Variants in NKX2-6 observed in about 807,000 individuals in gnomAD.
NKX2-6 encodes homeobox protein Nkx-2.6.
In NKX2-6, 8 loss-of-function variants were observed where a neutral mutation model predicts 8.6. That is an observed-to-expected ratio of 0.93 (90% CI 0.54 to 1.67). NKX2-6 has a LOEUF of 1.67. Among genes scored for constraint, NKX2-6 ranks in the 40% most tolerant of loss-of-function variants. The pLI, the probability that NKX2-6 is intolerant of heterozygous loss-of-function variation, is 0.00. For missense variants in NKX2-6, 475 were observed against 423.1 expected (o/e 1.12, Z -1.08); for synonymous variants, 210 against 199.3 (o/e 1.05, Z -0.45).
At position 23,706,379 on chromosome 8, in the gene NKX2-6, C is replaced by G; in HGVS notation, c.220G>C (p.Gly74Arg). Residue 74 changes from glycine (G) to arginine (R), a missense_variant, in exon 1 of 2, where the codon GGG becomes CGG. Physicochemically the swap from Gly to Arg is moderately radical, Grantham distance 125. Transcript: ENST00000325017. ...TCCAAGACTGCCTCACAGGGACCCCCAGGAGGCTCCGAACCATCCAGCTTT... is the reference window on the plus strand; with the variant it reads ...TCCAAGACTGCCTCACAGGGACCCCGAGGAGGCTCCGAACCATCCAGCTTT... ...DRKLDGSEPPGGPCEAVLEMD... is the reference protein window; with the variant it reads ...DRKLDGSEPPRGPCEAVLEMD... 6.4e-7 allele frequency: 1 copy of G among 1,551,588 alleles called. No homozygotes were observed. Among genetic ancestry groups the G allele is most frequent in the Non-Finnish European group, 8.7e-7 (1 of 1,147,020 alleles).
In NKX2-6 at chr8:23,706,190, T is replaced by C. The variant is rs144684093; in HGVS notation, c.274+135A>G. The C allele has an allele frequency of 1.2e-3, 1,182 of 947,912 alleles. 12 individuals are homozygous for C. The African/African-American group carries it at 0.018, about 14-fold the overall frequency. 58.7% of individuals were successfully genotyped at this position (947,912 alleles called of 1,614,324 possible). ...GGGAATGGGATTCGAGAGGCCTTTTTTTGGACTCCTCGAGAGAAAATGGAG... is the reference window on the plus strand; with the variant it reads ...GGGAATGGGATTCGAGAGGCCTTTTCTTGGACTCCTCGAGAGAAAATGGAG... On this transcript the variant is annotated intron_variant, in intron 1 of 1. Transcript: ENST00000325017.
In NKX2-6 at chr8:23,704,491, G is replaced by A. The variant is rs143978910; in HGVS notation, c.275-1409C>T. On this transcript the variant is annotated intron_variant, in intron 1 of 1. Coordinates refer to ENST00000325017, the MANE Select transcript of NKX2-6 (RefSeq NM_001136271.3). ...ATGCTGAGTTTTCATGGGATCTCACGCCAGGAGAAAATCAGGAGCATGGAA... is the reference window on the plus strand; with the variant it reads ...ATGCTGAGTTTTCATGGGATCTCACACCAGGAGAAAATCAGGAGCATGGAA... 7.6e-4 allele frequency among the ~76,000 whole-genome samples: 116 copies of A among 152,302 alleles called. 1 individual carries two copies. Among genetic ancestry groups the A allele is most frequent in the African/African-American group, 2.6e-3 (107 of 41,566 alleles).
In NKX2-6 at chr8:23,706,569, G is replaced by T; in HGVS notation, c.30C>A (p.Pro10=). The T allele has an allele frequency of 6.5e-7, 1 of 1,536,162 alleles. No homozygotes were observed. Among genetic ancestry groups the T allele is most frequent in the Non-Finnish European group, 8.7e-7 (1 of 1,146,832 alleles). ...GTCGCAGGATGTCCTTGACCGAGAA[G>T]GGGGTGGAGGTGACGGGGCTCAGCA... The part of the protein sequence containing the change: MLLSPVTST[P]FSVKDILRLE... The change falls in exon 1 of 2, where the codon CCC becomes CCA. Residue 10 remains proline (P), a synonymous_variant. Coordinates refer to ENST00000325017, the MANE Select transcript of NKX2-6 (RefSeq NM_001136271.3).
At position 23,703,029 on chromosome 8, in the gene NKX2-6, G is replaced by T. The variant is rs1416734352; in HGVS notation, c.328C>A (p.Arg110Ser). The T allele has an allele frequency of 1.3e-6, 2 of 1,540,542 alleles. No individual in the cohort carries two copies. The highest frequency in any genetic ancestry group is 2.0e-4 in the Middle Eastern group (1 of 4,894). The part of the protein sequence containing the change: ...PLGGGTRVPE[R>S]GVGNSGDSVR... ...CTGTCGCCGCTGTTGCCAACGCCGC[G>T]CTCTGGCACCCTGGTCCCGCCGCCG... The change falls in exon 2 of 2, where the codon CGC becomes AGC. Residue 110 changes from arginine to serine, a missense_variant. Transcript: ENST00000325017.
rs1240078718 is a variant in NKX2-6, at chr8:23,706,511, G to A, written c.88C>T (p.Pro30Ser). Residue 30 changes from proline (P) to serine (S), a missense_variant, in exon 1 of 2, where the codon CCA becomes TCA. Transcript: ENST00000325017. ...GGGCTCTTCCGCACCCGCGGATGTG[G>A]CGAAGCCGCGGGGCAGCTCCGCTCG... ...ERERSCPAASPHPRVRKSPEN... is the reference protein window; with the variant it reads ...ERERSCPAASSHPRVRKSPEN... 6.5e-7 allele frequency: 1 copy of A among 1,537,918 alleles called. No individual in the cohort carries two copies. The highest frequency in any genetic ancestry group is 8.7e-7 in the Non-Finnish European group (1 of 1,146,932).
Position 23,706,418 on chromosome 8 carries a change from C to T in NKX2-6, c.181G>A (p.Gly61Ser), listed in dbSNP as rs774277973. The T allele has an allele frequency of 9.0e-6, 14 of 1,550,510 alleles. No homozygotes were observed. The highest frequency in any genetic ancestry group is 2.4e-5 in the South Asian group (2 of 84,072). ...CCATCCAGCTTTCTGTCACCGCCGC[C>T]GCCACCAGCGTTGTGAACCTCTGAC... ...RGSEVHNAGGGGGDRKLDGSE... is the reference protein window; with the variant it reads ...RGSEVHNAGGSGGDRKLDGSE... Residue 61 changes from glycine (G) to serine (S), a missense_variant, in exon 1 of 2, where the codon GGC becomes AGC. Coordinates refer to ENST00000325017, the MANE Select transcript of NKX2-6 (RefSeq NM_001136271.3).
In NKX2-6 at chr8:23,702,593, C is replaced by T. The variant is rs1801021796; in HGVS notation, c.764G>A (p.Gly255Asp). 1 of 1,546,304 alleles carries T rather than the reference C, an allele frequency of 6.5e-7. No individual in the cohort carries two copies. The highest frequency in any genetic ancestry group is 2.4e-5 in the East Asian group (1 of 40,828). Residue 255 changes from glycine to aspartate, a missense_variant, in exon 2 of 2, where the codon GGC becomes GAC. Transcript: ENST00000325017. ...GGYSGAPYGAGYGTCYAGAPS... is the reference protein window; with the variant it reads ...GGYSGAPYGADYGTCYAGAPS... ...CGCGCCCGCGTAGCAGGTGCCGTAG[C>T]CTGCGCCGTAGGGTGCTCCGCTGTA...
chr8:23,705,577 C>T (rs971995420), intron 1 of NKX2-6, among the ~76,000 whole-genome samples: 1 of 152,264 alleles, frequency 6.6e-6, no homozygotes, highest in Non-Finnish European at 1.5e-5. Flanking sequence ...CAGCCCCTTC[C>T]CTTCCAGCGG....
intron 1 of NKX2-6, among the ~76,000 whole-genome samples, chr8:23,704,250 A>T (rs1053230866): frequency 2.0e-5 from 3 of 152,206 alleles, no homozygotes; most frequent in African/African-American, 7.2e-5. Flanking sequence ...CATAAAGTTG[A>T]GGTCCACATT....
At chr8:23,706,207 A>G in intron 1 of NKX2-6, 118 bp downstream of exon 1, 1 of 1,110,552 alleles carries the variant, frequency 9.0e-7, no homozygotes, top group Admixed American at 2.9e-5. Flanking sequence ...TCCTCGAGAG[A>G]AAATGGAGAG....
In NKX2-6 at chr8:23,702,310, G is replaced by T; in HGVS notation, c.*141C>A. 2 of 966,414 alleles carry T rather than the reference G, an allele frequency of 2.1e-6. No individual in the cohort carries two copies. The highest frequency in any genetic ancestry group is 2.9e-6 in the Non-Finnish European group (2 of 680,576). 59.9% of individuals were successfully genotyped at this position (966,414 alleles called of 1,614,324 possible). On this transcript the variant is annotated 3_prime_UTR_variant, in exon 2 of 2. Transcript: ENST00000325017. ...CTGGGTGACTGTGGTGCAGATCGCAGTTTCAGAGATCCCTCCGGAAAGAAG... is the reference window on the plus strand; with the variant it reads ...CTGGGTGACTGTGGTGCAGATCGCATTTTCAGAGATCCCTCCGGAAAGAAG...
At chr8:23,705,322 A>T (rs117447785) in intron 1 of NKX2-6, among the ~76,000 whole-genome samples, 3,204 of 152,326 alleles carry the variant, frequency 0.021, 55 homozygotes, top group Non-Finnish European at 0.031. Flanking sequence ...AATAACTCCG[A>T]TCTAGCCCCT....
chr8:23,703,655 C>T, intron 1 of NKX2-6, among the ~76,000 whole-genome samples: 1 of 151,908 alleles, frequency 6.6e-6, no homozygotes, highest in Admixed American at 6.6e-5. Context: ...GAGATCGTGC[C>T]ACTGCACTCC....
rs587777422 is a variant in NKX2-6 at position 23,702,903 on chromosome 8, T to TA, written c.453_454insT (p.Lys152Ter). On this transcript the variant is annotated frameshift_variant, in exon 2 of 2. Coordinates refer to ENST00000325017, the MANE Select transcript of NKX2-6 (RefSeq NM_001136271.3). LOFTEE classifies it low-confidence loss of function (END_TRUNC). ...GGCGCTGACAGGTACCGCTGCTGCT[T>TA]GAAGCGCCGCTCCAGGGCCAGCACC... 2 of 1,553,512 alleles carry TA rather than the reference T, an allele frequency of 1.3e-6. No individual in the cohort carries two copies. The highest frequency in any genetic ancestry group is 1.7e-6 in the Non-Finnish European group (2 of 1,148,254).
intron 1 of NKX2-6, among the ~76,000 whole-genome samples, chr8:23,703,879 G>A (rs915318486): frequency 5.3e-5 from 8 of 152,040 alleles, no homozygotes; most frequent in Admixed American, 4.6e-4. Flanking sequence ...AAGAGGAGGA[G>A]GAGAAGAAGA....
chr8:23,704,869 C>A (rs1321332300), intron 1 of NKX2-6, among the ~76,000 whole-genome samples: 2 of 152,182 alleles, frequency 1.3e-5, no homozygotes, highest in South Asian at 4.1e-4. Flanking sequence ...CAGCACCCTG[C>A]GCCCTTCTGT....
At chr8:23,704,645 T>A (rs966414818) in intron 1 of NKX2-6, among the ~76,000 whole-genome samples, 3 of 152,184 alleles carry the variant, frequency 2.0e-5, no homozygotes, top group African/African-American at 7.2e-5. Context: ...TATGTAAAGT[T>A]TGAGGACAGA....
At position 23,706,611 on chromosome 8, in the gene NKX2-6, T is replaced by G. The variant is rs1563305259; in HGVS notation, c.-13A>C. 1.3e-6 allele frequency: 2 copies of G among 1,532,288 alleles called. No homozygotes were observed. Among genetic ancestry groups the G allele is most frequent in the South Asian group, 2.4e-5 (2 of 83,640 alleles). The allele number at this position is 1,532,288 out of a possible 1,614,324, so 94.9% of individuals were successfully genotyped here. ...GGCTCAGCAGCATCCCGAAGGCGGATGGGGCGGGGCCGAGGAGGTCCGGGT... is the reference window on the plus strand; with the variant it reads ...GGCTCAGCAGCATCCCGAAGGCGGAGGGGGCGGGGCCGAGGAGGTCCGGGT... On this transcript the variant is annotated 5_prime_UTR_variant, in exon 1 of 2. Coordinates refer to ENST00000325017, the MANE Select transcript of NKX2-6 (RefSeq NM_001136271.3).
rs994001510 is a variant in NKX2-6, at chr8:23,702,079, C to T, written c.*372G>A. Among the ~76,000 whole-genome samples, 1 of 152,152 alleles carries T rather than the reference C, an allele frequency of 6.6e-6. No individual in the cohort carries two copies. The highest frequency in any genetic ancestry group is 1.5e-5 in the Non-Finnish European group (1 of 68,034). On this transcript the variant is annotated 3_prime_UTR_variant, in exon 2 of 2. Coordinates refer to ENST00000325017, the MANE Select transcript of NKX2-6 (RefSeq NM_001136271.3). ...CCGCTAGATCACCATCTCCATTCAC[C>T]GCCGATGCCCCGGGGCTGCTGCGTA...
Sources: allele counts gnomAD v4.1 joint callset (sites outside exome capture counted in the v4.1 genomes callset), GRCh38; gene constraint gnomAD v4.1.1; transcripts MANE v1.5; gene names NCBI Gene and HGNC (gene_info 2026-07-23, HGNC 2026-07-21).